The following PIP5K1B variants were observed in gnomAD, a reference collection of about 807,000 sequenced individuals.
PIP5K1B encodes the protein phosphatidylinositol 4-phosphate 5-kinase type-1 beta.
In PIP5K1B, 42 loss-of-function variants were observed where a neutral mutation model predicts 67.0. The observed-to-expected ratio is 0.63, with a 90% CI of 0.49 to 0.81. The LOEUF is 0.81. PIP5K1B is among the 30% of genes least tolerant of loss of function. PIP5K1B has a pLI of 0.00. For synonymous variants in PIP5K1B, 214 were observed against 231.4 expected (o/e 0.92, Z 0.68); for missense variants, 459 against 646.3 (o/e 0.71, Z 3.14).
chr9:68,889,015 C>A lies in PIP5K1B; in HGVS notation c.353C>A (p.Ser118Tyr). 1 of 1,612,088 alleles carries A rather than the reference C, an allele frequency of 6.2e-7. No homozygotes were observed. Among genetic ancestry groups the A allele is most frequent in the Non-Finnish European group, 8.5e-7 (1 of 1,178,164 alleles). The part of the protein sequence containing the change: ...SICSEPLIEL[S>Y]NPGASGSLFF... ...TGCAGTGAACCTCTAATAGAACTGT[C>A]TAACCCTGGAGCCAGTGGATCCTTG... The change falls in exon 7 of 16, where the codon TCT (serine) becomes TAT (tyrosine). Residue 118 changes from serine (S) to tyrosine (Y), a missense_variant. Transcript: ENST00000265382.
At chr9:68,999,665 T>C (rs115835289) in intron 15 of PIP5K1B, among the ~76,000 whole-genome samples, 1 of 152,138 alleles carries the variant, frequency 6.6e-6, no homozygotes, top group African/African-American at 2.4e-5. Flanking sequence ...TATGCTAATG[T>C]AAGGGGGAAC....
intron 1 of PIP5K1B, among the ~76,000 whole-genome samples, chr9:68,734,382 CAG>C (rs1828622299): frequency 6.6e-6 from 1 of 152,100 alleles, no homozygotes; most frequent in Admixed American, 6.5e-5. Context: ...AGGAGGCACA[CAG>C]AATTAATAAA....
At chr9:68,806,246 T>C (rs560940633) in intron 2 of PIP5K1B, among the ~76,000 whole-genome samples, 3 of 152,312 alleles carry the variant, frequency 2.0e-5, no homozygotes, top group African/African-American at 7.2e-5. Context: ...TCTTCAGTGG[T>C]TAGTGAAGCT....
intron 4 of PIP5K1B, among the ~76,000 whole-genome samples, chr9:68,860,896 C>T (rs1201360860): frequency 1.3e-5 from 2 of 152,170 alleles, no homozygotes; most frequent in African/African-American, 2.4e-5. Flanking sequence ...GTGTAAGTTG[C>T]TAAACCTTCC....
intron 1 of PIP5K1B, among the ~76,000 whole-genome samples, chr9:68,718,836 AT>A (rs939940774): frequency 4.7e-5 from 7 of 149,780 alleles, no homozygotes; most frequent in Non-Finnish European, 8.9e-5. Flanking sequence ...TTTCTTGATA[AT>A]TTTTTTTTTG....
chr9:68,946,388 T>C (rs182929526), intron 14 of PIP5K1B, among the ~76,000 whole-genome samples: 130 of 151,146 alleles, frequency 8.6e-4, no homozygotes, highest in Non-Finnish European at 1.4e-3. Context: ...TGTTCTTTTA[T>C]GGTTTTTTGT....
chr9:68,789,934 C>T (rs921294062), intron 2 of PIP5K1B, among the ~76,000 whole-genome samples: 12 of 152,196 alleles, frequency 7.9e-5, no homozygotes, highest in African/African-American at 2.4e-4. Flanking sequence ...ACCAATCCCA[C>T]AAATTTTGGA....
intron 2 of PIP5K1B, among the ~76,000 whole-genome samples, chr9:68,771,339 C>T (rs1276439695): frequency 6.6e-6 from 1 of 152,210 alleles, no homozygotes; most frequent in Admixed American, 6.5e-5. Flanking sequence ...ATGGACCCCT[C>T]ATCTATCTTT....
chr9:68,799,483 C>A (rs770250857), intron 2 of PIP5K1B, among the ~76,000 whole-genome samples: 13 of 152,274 alleles, frequency 8.5e-5, no homozygotes, highest in Non-Finnish European at 1.8e-4. Flanking sequence ...CACTTCCTAA[C>A]TTCAAAATAT....
At chr9:68,742,135 A>G (rs528565461) in intron 1 of PIP5K1B, 2 of 152,154 alleles carry the variant, frequency 1.3e-5, no homozygotes, top group African/African-American at 4.8e-5. Flanking sequence ...AACATCAGAG[A>G]GCCTATATTA....
chr9:68,840,309 G>A lies in PIP5K1B; in HGVS notation c.69+17626G>A, dbSNP rs1018022847. ...GGAGAATCGCTTGAACCCAGGAGGC[G>A]GAGGTTGTAGTGAACTGAGATCGCG... On this transcript the variant is annotated intron_variant, in intron 4 of 15. Coordinates refer to ENST00000265382, the MANE Select transcript of PIP5K1B (RefSeq NM_003558.4). Among the ~76,000 whole-genome samples the A allele has an allele frequency of 9.2e-5, 14 of 151,860 alleles. No individual in the cohort carries two copies. In the East Asian group the frequency reaches 1.9e-3, roughly 21 times the overall value.
At chr9:68,782,949 C>G (rs1831383123) in intron 2 of PIP5K1B, 1 of 167,056 alleles carries the variant, frequency 6.0e-6, no homozygotes, top group Non-Finnish European at 1.5e-5. Context: ...TTAGCTTAAT[C>G]ACCAAGTCCT....
intron 8 of PIP5K1B, among the ~76,000 whole-genome samples, chr9:68,901,400 C>T (rs953654231): frequency 3.3e-5 from 5 of 152,034 alleles, no homozygotes; most frequent in African/African-American, 7.2e-5. Context: ...CTGGGACTAC[C>T]GGTGTGGACC....
In PIP5K1B at chr9:68,820,803, G is replaced by T. The variant is rs575662194; in HGVS notation, c.1-1812G>T. 3.9e-5 allele frequency among the ~76,000 whole-genome samples: 6 copies of T among 152,270 alleles called. No individual in the cohort carries two copies. The East Asian group carries it at 1.2e-3, about 29-fold the overall frequency. On this transcript the variant is annotated intron_variant, in intron 3 of 15. Transcript: ENST00000265382. ...CATAACTGGCTTTAAAAATTCAGATGAATTATAGGTCACATGTGAAAATCT... is the reference window on the plus strand; with the variant it reads ...CATAACTGGCTTTAAAAATTCAGATTAATTATAGGTCACATGTGAAAATCT...
chr9:68,901,217 G>T (rs989578632), intron 8 of PIP5K1B, among the ~76,000 whole-genome samples: 1 of 152,114 alleles, frequency 6.6e-6, no homozygotes, highest in Non-Finnish European at 1.5e-5. Flanking sequence ...TGAAAAGGGT[G>T]CAGGGACATC....
At chr9:68,718,023 A>T (rs971565417) in intron 1 of PIP5K1B, among the ~76,000 whole-genome samples, 3 of 152,202 alleles carry the variant, frequency 2.0e-5, no homozygotes, top group African/African-American at 7.2e-5. Context: ...GCAATCTGCC[A>T]TCCCCCTGGC....
intron 14 of PIP5K1B, among the ~76,000 whole-genome samples, chr9:68,972,660 A>G (rs139122546): frequency 1.1e-4 from 17 of 152,294 alleles, no homozygotes; most frequent in Non-Finnish European, 1.8e-4. Context: ...ATAAAAATAT[A>G]AGTATAAAAA....
intron 4 of PIP5K1B, among the ~76,000 whole-genome samples, chr9:68,853,816 A>T (rs1315608056): frequency 6.6e-6 from 1 of 152,154 alleles, no homozygotes; most frequent in Admixed American, 6.5e-5. Flanking sequence ...CACAAGAAAA[A>T]AAGATACATA....
chr9:68,996,742 A>C (rs1449692468), intron 15 of PIP5K1B, among the ~76,000 whole-genome samples: 1 of 152,220 alleles, frequency 6.6e-6, no homozygotes, highest in Non-Finnish European at 1.5e-5. Flanking sequence ...ATTTCTGCTG[A>C]AAAGTGTATT....
Sources: gnomAD v4.1 joint callset for allele counts (sites outside exome capture counted in the v4.1 genomes callset) on GRCh38, gnomAD v4.1.1 for gene constraint, MANE v1.5 for transcripts, NCBI Gene and HGNC (gene_info 2026-07-23, HGNC 2026-07-21) for gene names.